Variants in LITAF observed in about 807,000 individuals in gnomAD.
LITAF encodes lipopolysaccharide-induced tumor necrosis factor-alpha factor.
A neutral mutation model predicts 14.5 loss-of-function variants in LITAF; 9 were observed. That is an observed-to-expected ratio of 0.62 (90% CI 0.37 to 1.08). The LOEUF (loss-of-function observed/expected upper bound fraction) is 1.08, where lower values mean the gene tolerates loss of function less well. Among genes scored for constraint, LITAF ranks in the 50% least tolerant of loss-of-function variants. The probability of loss-of-function intolerance (pLI) is 0.01; values close to 1 mark genes in which losing one functional copy is unlikely to be tolerated. For synonymous variants in LITAF, 98 were observed against 88.2 expected (o/e 1.11, Z -0.62); for missense variants, 206 against 213.4 (o/e 0.97, Z 0.22).
At chr16:11,616,330 A>G (rs1003896065) in intron 3 of LITAF, among the ~76,000 whole-genome samples, 2 of 151,960 alleles carry the variant, frequency 1.3e-5, no homozygotes, top group Non-Finnish European at 2.9e-5. Context: ...TTATTAAATT[A>G]GCCAGGCATG....
intron 2 of LITAF, among the ~76,000 whole-genome samples, chr16:11,635,301 C>T (rs1367344968): frequency 2.0e-5 from 3 of 152,188 alleles, no homozygotes; most frequent in Admixed American, 6.5e-5. Context: ...CACGCATGCA[C>T]GCATGTAGAT....
intron 1 of LITAF, among the ~76,000 whole-genome samples, chr16:11,567,313 G>C (rs772170306): frequency 4.6e-5 from 7 of 152,034 alleles, no homozygotes; most frequent in Non-Finnish European, 8.8e-5. Flanking sequence ...CTAGCTACTC[G>C]GGAGGCTGAG....
rs369748649 is a variant in LITAF at position 11,556,629 on chromosome 16, G to A, written c.102C>T (p.Pro34=). The A allele has an allele frequency of 6.2e-7, 1 of 1,614,086 alleles. No homozygotes were observed. The highest frequency in any genetic ancestry group is 8.5e-7 in the Non-Finnish European group (1 of 1,180,034). The change falls in exon 2 of 4, where the codon CCC becomes CCT. Residue 34 remains proline, a synonymous_variant. Transcript: ENST00000622633. ...EETVAVNSYY[P]TPPAPMPGPT... is the part of the protein sequence containing the mutation. ...GCCCAGGCATGGGAGCTGGAGGTGT[G>A]GGGTAATAACTGTTAACAGCCACTG...
intron 2 of LITAF, chr16:11,556,295 G>T: frequency 5.2e-6 from 3 of 573,250 alleles, no homozygotes; most frequent in Non-Finnish European, 9.3e-6. Context: ...GATGACCATG[G>T]GAAAGATCCT....
intron 1 of LITAF, among the ~76,000 whole-genome samples, chr16:11,560,551 C>G (rs2064345269): frequency 6.6e-6 from 1 of 151,030 alleles, no homozygotes; most frequent in Admixed American, 6.6e-5. Context: ...CCACTGCACT[C>G]CAGCCTGGGC....
At chr16:11,613,358 C>A (rs1190864359) in intron 3 of LITAF, among the ~76,000 whole-genome samples, 5 of 152,334 alleles carry the variant, frequency 3.3e-5, no homozygotes, top group Middle Eastern at 6.8e-3. Context: ...AGAGACCAGA[C>A]CTCCTGGGTC....
Position 11,632,124 on chromosome 16 carries a change from C to T in LITAF, c.85+1409G>A, listed in dbSNP as rs185337756. ...CCTCGTGATCCACCCGCCTCGGCCT[C>T]CCAAAGTGCTGGGATTACAGGCGTG... On this transcript the variant is annotated intron_variant, in intron 3 of 3. Coordinates refer to the LITAF transcript ENST00000574848. The surrounding 1 kb of genome is among the most constrained non-coding windows in gnomAD (Gnocchi z 4.8). 1.9e-3 allele frequency among the ~76,000 whole-genome samples: 293 copies of T among 152,262 alleles called. No individual in the cohort carries two copies. The highest frequency in any genetic ancestry group is 6.7e-3 in the African/African-American group (279 of 41,554).
intron 1 of LITAF, among the ~76,000 whole-genome samples, chr16:11,580,590 C>T (rs1597356136): frequency 6.6e-6 from 1 of 151,980 alleles, no homozygotes; most frequent in East Asian, 1.9e-4. Context: ...GACTGAAGGT[C>T]GACACCTGGT....
intron 1 of LITAF, among the ~76,000 whole-genome samples, chr16:11,596,080 G>A (rs1036603024): frequency 2.8e-4 from 42 of 152,280 alleles, no homozygotes; most frequent in Admixed American, 9.8e-4. Flanking sequence ...TGCAGCCAGT[G>A]GCACAGGTAG....
intron 3 of LITAF, among the ~76,000 whole-genome samples, chr16:11,615,533 G>T (rs142280642): frequency 2.0e-5 from 3 of 151,498 alleles, no homozygotes; most frequent in African/African-American, 4.9e-5. Context: ...GTGAAACTCC[G>T]TCTCAATAAA....
At chr16:11,579,081 C>A (rs1429129814) in intron 1 of LITAF, among the ~76,000 whole-genome samples, 1 of 152,008 alleles carries the variant, frequency 6.6e-6, no homozygotes, top group African/African-American at 2.4e-5. Context: ...CCCAGCTACT[C>A]GGGAGGCTGA....
chr16:11,613,912 A>G (rs2064999818), intron 3 of LITAF, among the ~76,000 whole-genome samples: 1 of 152,178 alleles, frequency 6.6e-6, no homozygotes, highest in Non-Finnish European at 1.5e-5. Flanking sequence ...CCTTATCTCT[A>G]AAACGGAACT....
intron 3 of LITAF, among the ~76,000 whole-genome samples, chr16:11,626,089 AG>A (rs2065082108): frequency 6.6e-6 from 1 of 152,184 alleles, no homozygotes; most frequent in African/African-American, 2.4e-5. Context: ...TGAAAGTTCC[AG>A]AATTTAGGAC....
intron 3 of LITAF, among the ~76,000 whole-genome samples, chr16:11,629,375 A>G (rs778383243): frequency 6.6e-6 from 1 of 152,200 alleles, no homozygotes; most frequent in Non-Finnish European, 1.5e-5. Context: ...GAGGGGAGTA[A>G]GGAGACAAGG....
chr16:11,568,764 C>A (rs2064497393), intron 1 of LITAF, among the ~76,000 whole-genome samples: 1 of 151,534 alleles, frequency 6.6e-6, no homozygotes, highest in Non-Finnish European at 1.5e-5. Flanking sequence ...ACTGCAACCT[C>A]CACCTCCCGG....
At chr16:11,618,227 A>T (rs2065029487) in intron 3 of LITAF, among the ~76,000 whole-genome samples, 1 of 152,088 alleles carries the variant, frequency 6.6e-6, no homozygotes, top group Admixed American at 6.6e-5. Flanking sequence ...CTCTCCATTT[A>T]TGCCCAAACT....
intron 1 of LITAF, among the ~76,000 whole-genome samples, chr16:11,564,363 T>A (rs2064419395): frequency 6.6e-6 from 1 of 152,098 alleles, no homozygotes; most frequent in African/African-American, 2.4e-5. Flanking sequence ...GGACCTCACT[T>A]TCAGCAACAG....
chr16:11,556,821 G>C (rs569417676), intron 1 of LITAF, 86 bp from the exon 2 acceptor site: 425 of 1,182,180 alleles, frequency 3.6e-4, no homozygotes, highest in Non-Finnish European at 3.7e-4. Context: ...TTTCTTTCTG[G>C]CAAACAGAAA....
intron 3 of LITAF, among the ~76,000 whole-genome samples, chr16:11,603,830 G>T (rs1207605429): frequency 5.4e-5 from 8 of 149,290 alleles, no homozygotes; most frequent in Non-Finnish European, 8.9e-5. Context: ...GGATCACAAG[G>T]TCGGGAGATC....
Sources: gnomAD v4.1 joint callset for allele counts (sites outside exome capture counted in the v4.1 genomes callset) on GRCh38, gnomAD v4.1.1 for gene constraint, Gnocchi (gnomAD v3.1) non-coding constraint, MANE v1.5 for transcripts, NCBI Gene and HGNC (gene_info 2026-07-23, HGNC 2026-07-21) for gene names.